The following TAB2 variants were observed in gnomAD, a reference collection of about 807,000 sequenced individuals.
The protein encoded by TAB2 is TGF-beta-activated kinase 1 and MAP3K7-binding protein 2.
In TAB2, 3 loss-of-function variants were observed where a neutral mutation model predicts 65.0. The observed-to-expected ratio is 0.05, with a 90% CI of 0.02 to 0.12. TAB2 has a LOEUF of 0.12. Ranked by LOEUF, TAB2 falls within the 10% of genes least tolerant of loss-of-function variation. The pLI is 1.00. For missense variants in TAB2, 623 were observed against 840.3 expected (o/e 0.74, Z 3.20); for synonymous variants, 298 against 285.1 (o/e 1.05, Z -0.46).
intron 6 of TAB2, among the ~76,000 whole-genome samples, chr6:149,406,697 T>TTTTG (rs369961981): frequency 6.2e-4 from 95 of 152,210 alleles, no homozygotes; most frequent in African/African-American, 2.2e-3. Flanking sequence ...TCTACTTCAT[T>TTTTG]TTTGTTTGTT....
intron 5 of TAB2, among the ~76,000 whole-genome samples, chr6:149,398,329 A>G (rs1782245697): frequency 6.6e-6 from 1 of 152,214 alleles, no homozygotes; most frequent in African/African-American, 2.4e-5. Context: ...ATTAATGACA[A>G]GCAATGTTTT....
intron 1 of TAB2, among the ~76,000 whole-genome samples, chr6:149,226,502 T>C (rs1777280883): frequency 6.6e-6 from 1 of 152,090 alleles, no homozygotes; most frequent in Non-Finnish European, 1.5e-5. Context: ...CTGATGTGCT[T>C]ACTTCTGATG....
intron 1 of TAB2, among the ~76,000 whole-genome samples, chr6:149,296,572 A>T (rs1778880736): frequency 6.6e-6 from 1 of 152,138 alleles, no homozygotes; most frequent in Non-Finnish European, 1.5e-5. Flanking sequence ...TGGGGGAAGG[A>T]GAGGGGAAAT....
intron 1 of TAB2, among the ~76,000 whole-genome samples, chr6:149,232,305 G>A (rs533369586): frequency 6.3e-4 from 96 of 152,148 alleles, no homozygotes; most frequent in African/African-American, 2.3e-3. Flanking sequence ...TCAGCTCACT[G>A]CAACCTCCGC....
chr6:149,406,492 T>C (rs1375082422), intron 6 of TAB2, among the ~76,000 whole-genome samples: 2 of 152,214 alleles, frequency 1.3e-5, no homozygotes, highest in African/African-American at 4.8e-5. Context: ...GAATACCATG[T>C]TAAACTGGGT....
chr6:149,383,871 C>T (rs1435522358), intron 3 of TAB2, among the ~76,000 whole-genome samples: 3 of 152,186 alleles, frequency 2.0e-5, no homozygotes, highest in African/African-American at 7.2e-5. Context: ...ACGTGAGCCA[C>T]CGCACCTAGC....
intron 3 of TAB2, among the ~76,000 whole-genome samples, chr6:149,395,429 T>C (rs1472237127): frequency 6.6e-6 from 1 of 152,232 alleles, no homozygotes; most frequent in Non-Finnish European, 1.5e-5. Context: ...TTTCCCTCAT[T>C]TCTCCTTAGG....
intron 1 of TAB2, among the ~76,000 whole-genome samples, chr6:149,258,426 C>CACACACACAA (rs1778085842): frequency 7.4e-6 from 1 of 134,838 alleles, no homozygotes; most frequent in Admixed American, 7.1e-5. Flanking sequence ...TACACACACA[C>CACACACACAA]ACACACACAC....
chr6:149,390,224 T>G (rs930695449), intron 3 of TAB2, among the ~76,000 whole-genome samples: 3 of 152,206 alleles, frequency 2.0e-5, no homozygotes, highest in Non-Finnish European at 4.4e-5. Context: ...CATTGTACTT[T>G]CCTAGGTACA....
chr6:149,401,050 C>T lies in TAB2; in HGVS notation c.1939+1866C>T, dbSNP rs377210252. ...TTTGCTCTCACTGTTTTAACAACAA[C>T]AAAAAAAAATTCTCACATACCTTGT... On this transcript the variant is annotated intron_variant, in intron 6 of 6. Transcript: ENST00000637181. The T allele has an allele frequency of 3.7e-3, 717 of 196,316 alleles. 35 individuals are homozygous for T. The South Asian group carries it at 0.082, about 22-fold the overall frequency. 12.2% of individuals were successfully genotyped at this position (196,316 alleles called of 1,614,324 possible). A position where few individuals can be genotyped will look rare whatever the true frequency, so the allele number is the denominator to read the frequency against.
chr6:149,362,602 TA>T (rs56663269), intron 1 of TAB2, among the ~76,000 whole-genome samples: 6,217 of 152,252 alleles, frequency 0.041, 444 homozygotes, highest in African/African-American at 0.14. Flanking sequence ...TATAACCTTT[TA>T]AAGTAAATTG....
intron 1 of TAB2, chr6:149,347,126 A>G (rs1780332271): frequency 6.6e-6 from 1 of 152,378 alleles, no homozygotes; most frequent in South Asian, 2.1e-4. Flanking sequence ...TTGATGAAGT[A>G]TAACCATTCC....
intron 1 of TAB2, among the ~76,000 whole-genome samples, chr6:149,349,826 T>C (rs1003029643): frequency 3.3e-5 from 5 of 152,208 alleles, no homozygotes; most frequent in Non-Finnish European, 7.3e-5. Context: ...TAGAGAGTTA[T>C]GGCAACAAAT....
chr6:149,389,668 T>C (rs1230847431), intron 3 of TAB2, among the ~76,000 whole-genome samples: 1 of 141,018 alleles, frequency 7.1e-6, no homozygotes. Context: ...AAAAAAAAGG[T>C]ATAAACCTTT....
At chr6:149,231,300 A>C (rs1368084804) in intron 1 of TAB2, among the ~76,000 whole-genome samples, 1 of 152,222 alleles carries the variant, frequency 6.6e-6, no homozygotes, top group African/African-American at 2.4e-5. Context: ...TTGAACAGTC[A>C]CCACTTTAAT....
chr6:149,272,393 G>T (rs1778379365), intron 1 of TAB2, among the ~76,000 whole-genome samples: 1 of 152,198 alleles, frequency 6.6e-6, no homozygotes, highest in Non-Finnish European at 1.5e-5. Context: ...AATCAAGGTG[G>T]TGACAGGGTC....
chr6:149,277,744 C>T (rs1227824004), intron 1 of TAB2, among the ~76,000 whole-genome samples: 1 of 152,150 alleles, frequency 6.6e-6, no homozygotes, highest in Non-Finnish European at 1.5e-5. Context: ...AATTCTTATT[C>T]AGATAAAAAG....
intron 3 of TAB2, among the ~76,000 whole-genome samples, chr6:149,382,608 A>G (rs760056582): frequency 2.0e-5 from 3 of 152,088 alleles, no homozygotes; most frequent in Non-Finnish European, 4.4e-5. Context: ...AAAAAAAAAA[A>G]AATTCTAACT....
intron 1 of TAB2, among the ~76,000 whole-genome samples, chr6:149,251,768 A>G (rs1323650204): frequency 1.3e-5 from 2 of 152,178 alleles, no homozygotes; most frequent in Non-Finnish European, 2.9e-5. Context: ...ATCCAAAAAG[A>G]CTTTAGCTGT....
Sources: gnomAD v4.1 joint callset for allele counts (sites outside exome capture counted in the v4.1 genomes callset) on GRCh38, gnomAD v4.1.1 for gene constraint, MANE v1.5 for transcripts, NCBI Gene and HGNC (gene_info 2026-07-23, HGNC 2026-07-21) for gene names.